Variants in MDN1 observed in about 807,000 individuals in gnomAD.
MDN1 encodes midasin.
In MDN1, 266 loss-of-function variants were observed where a neutral mutation model predicts 669.2. The observed-to-expected ratio is 0.40, with a 90% confidence interval of 0.36 to 0.44. MDN1 has a LOEUF of 0.44. Ranked by LOEUF, MDN1 falls within the 20% of genes least tolerant of loss-of-function variation. MDN1 has a pLI of 1.00. For synonymous variants in MDN1, 2,385 were observed against 2,457.1 expected, an observed-to-expected ratio of 0.97 and a Z score of 0.87; for missense variants, 5,940 against 6,754.0, an observed-to-expected ratio of 0.88 and a Z score of 4.22.
chr6:89,654,310 T>A lies in MDN1; in HGVS notation c.15515A>T (p.Gln5172Leu). Residue 5172 changes from glutamine (Q) to leucine (L), a missense_variant, in exon 93 of 102, where the codon CAG becomes CTG. Transcript: ENST00000369393. ...ATCTTTGCCAGAGTCTTTTGCAGAC[T>A]GTTGCTGTTCTTTGCTGGCCACATC... The part of the protein sequence containing the change: ...TYDVASKEQQ[Q>L]SAKDSGKDQE... 1 of 1,614,230 alleles carries A rather than the reference T, an allele frequency of 6.2e-7. No individual in the cohort carries two copies. Among genetic ancestry groups the A allele is most frequent in the East Asian group, 2.2e-5 (1 of 44,890 alleles).
chr6:89,748,633 CA>C, intron 26 of MDN1, among the ~76,000 whole-genome samples: 1 of 151,568 alleles, frequency 6.6e-6, no homozygotes, highest in Non-Finnish European at 1.5e-5. Context: ...ACATTCTAAA[CA>C]AAATGCTTCA....
In MDN1 at chr6:89,794,816, A is replaced by T; in HGVS notation, c.330-15T>A. ...TCAGGGCAAACCTTCAAACACAAAG[A>T]ATACAGACATCCCCAACTTAACAAT... On this transcript the variant is annotated splice_polypyrimidine_tract_variant and intron_variant, in intron 2 of 101. Transcript: ENST00000369393. The T allele has an allele frequency of 6.2e-7, 1 of 1,602,872 alleles. No individual in the cohort carries two copies. Among genetic ancestry groups the T allele is most frequent in the Non-Finnish European group, 8.5e-7 (1 of 1,170,074 alleles).
At chr6:89,782,815 G>A (rs980951086) in intron 9 of MDN1, among the ~76,000 whole-genome samples, 3 of 152,028 alleles carry the variant, frequency 2.0e-5, no homozygotes, top group South Asian at 2.1e-4. Context: ...GGCATGTTGC[G>A]GGAAGTCAGG....
At chr6:89,688,515 C>A in intron 66 of MDN1, 58 bp downstream of exon 66, 1 of 1,494,880 alleles carries the variant, frequency 6.7e-7, no homozygotes, top group Non-Finnish European at 9.2e-7. Flanking sequence ...AATGGTGAGG[C>A]TGCATCCTCA....
At position 89,787,857 on chromosome 6, in the gene MDN1, C is replaced by T. The variant is rs1248121645; in HGVS notation, c.1331G>A (p.Arg444Lys). The T allele has an allele frequency of 2.5e-6, 4 of 1,612,066 alleles. No homozygotes were observed. The highest frequency in any genetic ancestry group is 3.3e-5 in the Admixed American group (2 of 59,776). ...CAGAAAGGTTACTAGTACATACCTCCTGGTTGCAAAAAACTGAAATCCAGG... is the reference window on the plus strand; with the variant it reads ...CAGAAAGGTTACTAGTACATACCTCTTGGTTGCAAAAAACTGAAATCCAGG... Reference protein sequence around the residue: ...VAPGFQFFATRRLLSCGGNWY... With the variant: ...VAPGFQFFATKRLLSCGGNWY... The change falls in exon 8 of 102, where the codon AGG becomes AAG. Residue 444 changes from arginine to lysine, a missense_variant. Arg to Lys is a conservative substitution (Grantham distance 26). Transcript: ENST00000369393.
At chr6:89,775,028 C>T (rs919686732) in intron 12 of MDN1, among the ~76,000 whole-genome samples, 3 of 152,064 alleles carry the variant, frequency 2.0e-5, no homozygotes, top group African/African-American at 7.2e-5. Context: ...AAGTCCTCAC[C>T]TAAAAGGTAA....
intron 15 of MDN1, among the ~76,000 whole-genome samples, chr6:89,765,685 A>C (rs933235332): frequency 1.3e-5 from 2 of 152,200 alleles, no homozygotes; most frequent in African/African-American, 4.8e-5. Context: ...GTAATGGTTA[A>C]GAACACAGAC....
chr6:89,805,704 A>G (rs1584399874), intron 1 of MDN1, among the ~76,000 whole-genome samples: 1 of 152,334 alleles, frequency 6.6e-6, no homozygotes, highest in Middle Eastern at 3.4e-3. Context: ...AAGTCTTCCA[A>G]TTACAGAGCA....
intron 73 of MDN1, among the ~76,000 whole-genome samples, chr6:89,682,383 G>C (rs1811673633): frequency 6.6e-6 from 1 of 152,114 alleles, no homozygotes; most frequent in African/African-American, 2.4e-5. Context: ...ATCCCAGCTC[G>C]TTGGGAGGCC....
chr6:89,795,618 G>A (rs896699005), intron 2 of MDN1, among the ~76,000 whole-genome samples: 1 of 151,980 alleles, frequency 6.6e-6, no homozygotes, highest in South Asian at 2.1e-4. Context: ...CAAACCCTTC[G>A]CTAGATTAAG....
chr6:89,704,047 T>C (rs1214684102), intron 53 of MDN1, among the ~76,000 whole-genome samples: 1 of 151,610 alleles, frequency 6.6e-6, no homozygotes, highest in Non-Finnish European at 1.5e-5. Context: ...AGGATATATG[T>C]TGCCATGATA....
At chr6:89,745,134 TAAAAAAA>T (rs60588845) in intron 29 of MDN1, 132 bp downstream of exon 29, 24 of 282,992 alleles carry the variant, frequency 8.5e-5, no homozygotes, top group Non-Finnish European at 1.0e-4. Context: ...AGTCTCTTCT[TAAAAAAA>T]AAAAAAAAAA....
chr6:89,718,689 T>C (rs1409956360), intron 42 of MDN1, 62 bp from the exon 43 acceptor site: 18 of 1,606,924 alleles, frequency 1.1e-5, no homozygotes, highest in Non-Finnish European at 9.4e-6. Context: ...TCTGTACTCA[T>C]CACCAACTCA....
At chr6:89,732,378 T>C (rs1402017572) in intron 34 of MDN1, among the ~76,000 whole-genome samples, 179 bp downstream of exon 34, 1 of 152,114 alleles carries the variant, frequency 6.6e-6, no homozygotes, top group African/African-American at 2.4e-5. Flanking sequence ...GAAGTTGCAG[T>C]GTATCCTGTG....
chr6:89,730,754 C>G lies in MDN1; in HGVS notation c.5112G>C (p.Trp1704Cys). 2 of 1,613,700 alleles carry G rather than the reference C, an allele frequency of 1.2e-6. No individual in the cohort carries two copies. The highest frequency in any genetic ancestry group is 1.7e-6 in the Non-Finnish European group (2 of 1,179,908). Reference protein sequence around the residue: ...AKEFTGIDNLWGIHPFFIPRG... With the variant: ...AKEFTGIDNLCGIHPFFIPRG... The stretch of plus-strand genomic sequence containing the variant: ...TTGGTATAAAAAATGGATGAATTCC[C>G]CAAAGGTTATCTATTCCAGTGAATT... Residue 1704 changes from tryptophan to cysteine, a missense_variant, in exon 35 of 102, where the codon TGG (tryptophan) becomes TGC (cysteine). By Grantham distance (215) the Trp-to-Cys change is radical. Transcript: ENST00000369393.
chr6:89,662,002 A>T, intron 87 of MDN1, 85 bp downstream of exon 87: 2 of 1,488,064 alleles, frequency 1.3e-6, no homozygotes, highest in Non-Finnish European at 1.8e-6. Flanking sequence ...AGGGGAAAAA[A>T]TATCTTGAGA....
chr6:89,816,299 C>T (rs1304459185), intron 1 of MDN1, among the ~76,000 whole-genome samples: 1 of 152,044 alleles, frequency 6.6e-6, no homozygotes, highest in Non-Finnish European at 1.5e-5. Context: ...ACTCGAGAGG[C>T]TGAGGCAGGA....
chr6:89,667,350 A>T (rs1327390889), intron 84 of MDN1, among the ~76,000 whole-genome samples: 1 of 151,982 alleles, frequency 6.6e-6, no homozygotes, highest in African/African-American at 2.4e-5. Context: ...ATTGCTTTCC[A>T]GTTTTCTCTG....
Position 89,707,406 on chromosome 6 carries a change from T to C in MDN1, c.7969A>G (p.Lys2657Glu). The C allele has an allele frequency of 1.9e-6, 3 of 1,613,992 alleles. No individual in the cohort carries two copies. The highest frequency in any genetic ancestry group is 2.5e-6 in the Non-Finnish European group (3 of 1,179,900). The change falls in exon 52 of 102, where the codon AAG (lysine) becomes GAG (glutamate). Residue 2657 changes from lysine (K) to glutamate (E), a missense_variant. Transcript: ENST00000369393. ...ATTCTCAAAACACTCTCTCTTAGCT[T>C]TTTGCTACCAACAGAAACCAAATTT... is the stretch of plus-strand genomic sequence containing the variant. ...EANLVSVGSKKLRESVLRMSF... is the reference protein window; with the variant it reads ...EANLVSVGSKELRESVLRMSF...
Sources: allele counts gnomAD v4.1 joint callset (sites outside exome capture counted in the v4.1 genomes callset), GRCh38; gene constraint gnomAD v4.1.1; transcripts MANE v1.5; gene names NCBI Gene and HGNC (gene_info 2026-07-23, HGNC 2026-07-21).